The following FAM171A1 variants were observed in gnomAD, a reference collection of about 807,000 sequenced individuals.
The protein encoded by FAM171A1 is family with sequence similarity 171 member A1, also known as protein FAM171A1.
In FAM171A1, 23 loss-of-function variants were observed where a neutral mutation model predicts 74.9. That is an observed-to-expected ratio of 0.31 (90% CI 0.22 to 0.44). The LOEUF is 0.44. Among genes scored for constraint, FAM171A1 ranks in the 20% least tolerant of loss-of-function variants. The probability of loss-of-function intolerance (pLI) is 1.00; values close to 1 mark genes in which losing one functional copy is unlikely to be tolerated. For synonymous variants in FAM171A1, 527 were observed against 505.7 expected (o/e 1.04, Z -0.57); for missense variants, 1,162 against 1,159.2 (o/e 1.00, Z -0.03).
intron 3 of FAM171A1, among the ~76,000 whole-genome samples, chr10:15,256,572 T>A (rs556300402): frequency 6.6e-6 from 1 of 152,142 alleles, no homozygotes; most frequent in African/African-American, 2.4e-5. Context: ...GACACAGACA[T>A]TAGTCTAGCT....
chr10:15,267,006 C>T (rs1417984498), intron 3 of FAM171A1, among the ~76,000 whole-genome samples: 1 of 152,192 alleles, frequency 6.6e-6, no homozygotes, highest in East Asian at 1.9e-4. Context: ...AGCTCCACCT[C>T]AGGTAGACCC....
intron 4 of FAM171A1, among the ~76,000 whole-genome samples, chr10:15,252,787 AG>A (rs2131764865): frequency 6.6e-6 from 1 of 152,338 alleles, no homozygotes; most frequent in East Asian, 1.9e-4. Flanking sequence ...ATCTTAAAAT[AG>A]GACAAACTCC....
At position 15,262,268 on chromosome 10, in the gene FAM171A1, C is replaced by T. The variant is rs542520983; in HGVS notation, c.419-7389G>A. ...ATGGGTGCAGAGTCTGATGTCAGAG[C>T]GATCAGGCAGGAGGCTGCTATGAAA... On this transcript the variant is annotated intron_variant, in intron 3 of 7. Coordinates refer to ENST00000378116, the MANE Select transcript of FAM171A1 (RefSeq NM_001010924.2). 5.3e-5 allele frequency among the ~76,000 whole-genome samples: 8 copies of T among 152,166 alleles called. No homozygotes were observed. The East Asian group carries it at 1.4e-3, about 26-fold the overall frequency.
intron 3 of FAM171A1, among the ~76,000 whole-genome samples, chr10:15,259,787 G>A (rs940155084): frequency 6.6e-6 from 1 of 151,376 alleles, no homozygotes; most frequent in South Asian, 2.1e-4. Flanking sequence ...TCATCCTCTG[G>A]CCAAATAGGA....
At chr10:15,293,389 G>A (rs1463659707) in intron 1 of FAM171A1, among the ~76,000 whole-genome samples, 1 of 152,042 alleles carries the variant, frequency 6.6e-6, no homozygotes, top group Non-Finnish European at 1.5e-5. Flanking sequence ...TTGACCAGCT[G>A]CTATATGCTT....
chr10:15,321,811 C>T lies in FAM171A1; in HGVS notation c.98-37706G>A, dbSNP rs966313986. On this transcript the variant is annotated intron_variant, in intron 1 of 7. Transcript: ENST00000378116. ...GCTCATAAAACTAGCCAGTCTCAGC[C>T]GCTCTGTAAGATAAAATGCTTAAGA... 3.3e-5 allele frequency among the ~76,000 whole-genome samples: 5 copies of T among 152,184 alleles called. No individual in the cohort carries two copies. The East Asian group carries it at 5.8e-4, about 18-fold the overall frequency.
At position 15,248,666 on chromosome 10, in the gene FAM171A1, C is replaced by A. The variant is rs377172164; in HGVS notation, c.727G>T (p.Ala243Ser). ...AGCTTCTGGTCAAACCGCCACGCCGCGACATAGGCATTGTGCCTCAGGCTG... is the reference window on the plus strand; with the variant it reads ...AGCTTCTGGTCAAACCGCCACGCCGAGACATAGGCATTGTGCCTCAGGCTG... ...QSSLRHNAYV[A>S]AWRFDQKLGT... The change falls in exon 5 of 8, where the codon GCG becomes TCG. Residue 243 changes from alanine to serine, a missense_variant. Coordinates refer to ENST00000378116, the MANE Select transcript of FAM171A1 (RefSeq NM_001010924.2). 1.2e-6 allele frequency: 2 copies of A among 1,610,206 alleles called. No homozygotes were observed. Among genetic ancestry groups the A allele is most frequent in the Non-Finnish European group, 1.7e-6 (2 of 1,178,246 alleles).
chr10:15,246,197 G>T (rs1044787713), intron 5 of FAM171A1, among the ~76,000 whole-genome samples: 2 of 152,064 alleles, frequency 1.3e-5, no homozygotes, highest in Non-Finnish European at 2.9e-5. Context: ...TCAATGAAGT[G>T]CCCGTCTTGC....
intron 1 of FAM171A1, among the ~76,000 whole-genome samples, chr10:15,298,419 C>A (rs1835186380): frequency 6.6e-6 from 1 of 152,194 alleles, no homozygotes; most frequent in Admixed American, 6.6e-5. Context: ...CAGGCGTGAG[C>A]CACCACACCC....
chr10:15,290,286 C>T (rs1267873427), intron 1 of FAM171A1, among the ~76,000 whole-genome samples: 1 of 152,094 alleles, frequency 6.6e-6, no homozygotes, highest in East Asian at 1.9e-4. Context: ...ACCAGCCACC[C>T]CACCTGACCC....
chr10:15,334,301 T>C (rs776145042), intron 1 of FAM171A1, among the ~76,000 whole-genome samples: 3 of 152,224 alleles, frequency 2.0e-5, no homozygotes, highest in African/African-American at 4.8e-5. Flanking sequence ...GGAGATACCA[T>C]CATCTCCTTG....
chr10:15,253,630 T>A (rs982951317), intron 4 of FAM171A1, among the ~76,000 whole-genome samples: 1 of 152,208 alleles, frequency 6.6e-6, no homozygotes, highest in Admixed American at 6.5e-5. Context: ...TTCAGAATAA[T>A]CAGTTTATGT....
chr10:15,292,209 G>C (rs540366199), intron 1 of FAM171A1, among the ~76,000 whole-genome samples: 1 of 151,948 alleles, frequency 6.6e-6, no homozygotes, highest in African/African-American at 2.4e-5. Context: ...CCTCCCAAAA[G>C]ACCCCACCTC....
At chr10:15,216,188 G>A in intron 6 of FAM171A1, 78 bp from the exon 7 acceptor site, 1 of 912,750 alleles carries the variant, frequency 1.1e-6, no homozygotes, top group Non-Finnish European at 1.6e-6. Flanking sequence ...AGAACGCAGT[G>A]TCTTGTGCTT....
At chr10:15,224,661 T>C (rs753649335) in intron 5 of FAM171A1, among the ~76,000 whole-genome samples, 1 of 152,100 alleles carries the variant, frequency 6.6e-6, no homozygotes, top group Non-Finnish European at 1.5e-5. Context: ...AAGGGGGAGT[T>C]TCCCTTTACA....
chr10:15,301,592 C>A (rs1356834576), intron 1 of FAM171A1, among the ~76,000 whole-genome samples: 2 of 152,210 alleles, frequency 1.3e-5, no homozygotes, highest in East Asian at 3.9e-4. Flanking sequence ...TGGTGCCTCT[C>A]GGAAAAGATA....
At chr10:15,350,708 G>A (rs1237876224) in intron 1 of FAM171A1, among the ~76,000 whole-genome samples, 5 of 150,060 alleles carry the variant, frequency 3.3e-5, no homozygotes, top group Non-Finnish European at 5.9e-5. Context: ...GTGCCATCTT[G>A]GCTCACTGCA....
At chr10:15,234,753 C>T (rs778634554) in intron 5 of FAM171A1, among the ~76,000 whole-genome samples, 10 of 151,780 alleles carry the variant, frequency 6.6e-5, no homozygotes, top group African/African-American at 1.9e-4. Flanking sequence ...CTGGGGTTCA[C>T]GCCATTCTCT....
At chr10:15,286,459 T>C (rs1161027423) in intron 1 of FAM171A1, among the ~76,000 whole-genome samples, 1 of 152,102 alleles carries the variant, frequency 6.6e-6, no homozygotes, top group Non-Finnish European at 1.5e-5. Context: ...TTTTTGCACT[T>C]TTAGTAGAGA....
Sources: gnomAD v4.1 joint callset for allele counts (sites outside exome capture counted in the v4.1 genomes callset) on GRCh38, gnomAD v4.1.1 for gene constraint, MANE v1.5 for transcripts, NCBI Gene and HGNC (gene_info 2026-07-23, HGNC 2026-07-21) for gene names.